RAB10: variants seen among roughly 807,000 people sequenced by gnomAD.
The protein encoded by RAB10 is ras-related protein Rab-10.
RAB10 carries 5 observed loss-of-function variants against 25.7 expected under a neutral mutation model. The ratio of observed to expected loss-of-function variants is 0.19; its 90% CI spans 0.10 to 0.41. The LOEUF is 0.41. Among genes scored for constraint, RAB10 ranks in the 10% least tolerant of loss-of-function variants. The pLI, the probability that RAB10 is intolerant of heterozygous loss-of-function variation, is 1.00. For missense variants in RAB10, 103 were observed against 245.8 expected (o/e 0.42, Z 3.89); for synonymous variants, 89 against 86.4 (o/e 1.03, Z -0.16).
At chr2:26,051,185 C>T (rs188079263) in intron 1 of RAB10, among the ~76,000 whole-genome samples, 3 of 152,262 alleles carry the variant, frequency 2.0e-5, no homozygotes, top group African/African-American at 7.2e-5. Flanking sequence ...GATCCTCCTA[C>T]CTTGGCCTCC....
chr2:26,080,299 A>G (rs1318504519), intron 1 of RAB10, among the ~76,000 whole-genome samples: 1 of 152,246 alleles, frequency 6.6e-6, no homozygotes, highest in South Asian at 2.1e-4. Context: ...GAACTGTAAA[A>G]AGAATGAGAG....
At chr2:26,038,236 G>C (rs1462837704) in intron 1 of RAB10, among the ~76,000 whole-genome samples, 2 of 142,236 alleles carry the variant, frequency 1.4e-5, no homozygotes, top group Admixed American at 7.3e-5. Flanking sequence ...CGCTTTTGTT[G>C]CTCAGGCTGG....
At chr2:26,093,543 C>T (rs1667151076) in intron 1 of RAB10, among the ~76,000 whole-genome samples, 1 of 152,192 alleles carries the variant, frequency 6.6e-6, no homozygotes, top group African/African-American at 2.4e-5. Context: ...TAAATGTTCA[C>T]TATCAGTTGA....
intron 1 of RAB10, among the ~76,000 whole-genome samples, chr2:26,095,381 G>A (rs914036165): frequency 1.3e-5 from 2 of 152,176 alleles, no homozygotes; most frequent in African/African-American, 2.4e-5. Context: ...GCCAAGGTGG[G>A]CGGATCACGA....
intron 1 of RAB10, among the ~76,000 whole-genome samples, chr2:26,077,471 TAACA>T (rs1357936818): frequency 3.3e-5 from 5 of 152,260 alleles, no homozygotes; most frequent in African/African-American, 7.2e-5. Flanking sequence ...AAATAATGCG[TAACA>T]AACAAGACTT....
At chr2:26,118,170 A>G (rs1299150790) in intron 3 of RAB10, among the ~76,000 whole-genome samples, 1 of 152,098 alleles carries the variant, frequency 6.6e-6, no homozygotes, top group Non-Finnish European at 1.5e-5. Context: ...ACGGGGTTTC[A>G]CCATGTTGGT....
chr2:26,132,945 TTTC>T (rs989391688), intron 5 of RAB10, among the ~76,000 whole-genome samples: 2 of 152,146 alleles, frequency 1.3e-5, no homozygotes, highest in Admixed American at 6.5e-5. Context: ...TCTGCCCCTT[TTTC>T]TTCTTTACAT....
chr2:26,094,683 C>T (rs1308927072), intron 1 of RAB10, among the ~76,000 whole-genome samples: 1 of 152,146 alleles, frequency 6.6e-6, no homozygotes, highest in Non-Finnish European at 1.5e-5. Context: ...CTCAGCCTCC[C>T]GAGTAGCTGG....
At chr2:26,034,069 T>C (rs754231497), upstream of RAB10, 317 of 402,224 alleles carry the variant, frequency 7.9e-4, no homozygotes, top group Non-Finnish European at 1.2e-3. Flanking sequence ...AGGGCGGGCG[T>C]ACGCCCTTGC....
intron 1 of RAB10, among the ~76,000 whole-genome samples, chr2:26,087,650 C>T (rs963663277): frequency 2.0e-5 from 3 of 152,216 alleles, no homozygotes; most frequent in African/African-American, 4.8e-5. Context: ...GATCTGCCCA[C>T]GTTGGTCTCC....
intron 1 of RAB10, among the ~76,000 whole-genome samples, chr2:26,082,596 T>C (rs552009878): frequency 6.6e-6 from 1 of 152,280 alleles, no homozygotes; most frequent in South Asian, 2.1e-4. Flanking sequence ...AGTAGACATA[T>C]ATTTAAGAAA....
intron 1 of RAB10, among the ~76,000 whole-genome samples, chr2:26,054,826 A>AT (rs1265914455): frequency 6.6e-6 from 1 of 152,070 alleles, no homozygotes; most frequent in African/African-American, 2.4e-5. Context: ...TTCAAGATAG[A>AT]TTAAATTAAC....
intron 1 of RAB10, among the ~76,000 whole-genome samples, chr2:26,035,827 A>G (rs993772542): frequency 3.9e-5 from 6 of 152,236 alleles, no homozygotes; most frequent in African/African-American, 1.4e-4. Context: ...CAGTTTGTAT[A>G]GCGTAACTGA....
At chr2:26,040,269 G>A (rs1665855759) in intron 1 of RAB10, among the ~76,000 whole-genome samples, 1 of 151,992 alleles carries the variant, frequency 6.6e-6, no homozygotes, top group Non-Finnish European at 1.5e-5. Context: ...CTCCTTCCTC[G>A]GCCTCTCACG....
intron 1 of RAB10, among the ~76,000 whole-genome samples, chr2:26,044,972 A>G (rs1454894611): frequency 6.6e-6 from 1 of 151,982 alleles, no homozygotes; most frequent in Non-Finnish European, 1.5e-5. Flanking sequence ...TTTGAAAAGT[A>G]GAGTTGCTGT....
intron 1 of RAB10, among the ~76,000 whole-genome samples, chr2:26,041,923 AAG>A (rs1665898590): frequency 6.6e-6 from 1 of 152,108 alleles, no homozygotes; most frequent in South Asian, 2.1e-4. Flanking sequence ...AGAAAAGAAA[AAG>A]AGAAATTGAA....
intron 1 of RAB10, among the ~76,000 whole-genome samples, chr2:26,060,218 A>T (rs745810487): frequency 6.6e-6 from 1 of 152,206 alleles, no homozygotes; most frequent in Non-Finnish European, 1.5e-5. Context: ...TGTGCCTGGC[A>T]CTGTGTGAAG....
At chr2:26,117,374 G>A (rs1158065423) in intron 3 of RAB10, among the ~76,000 whole-genome samples, 1 of 152,064 alleles carries the variant, frequency 6.6e-6, no homozygotes, top group African/African-American at 2.4e-5. Flanking sequence ...AGCACTTTGG[G>A]AGGCCGAGGC....
At chr2:26,072,147 G>A (rs996883770) in intron 1 of RAB10, among the ~76,000 whole-genome samples, 2 of 152,074 alleles carry the variant, frequency 1.3e-5, no homozygotes, top group African/African-American at 2.4e-5. Context: ...GGCTGGGTGC[G>A]GTGGCTCACG....
Sources: gnomAD v4.1 joint callset for allele counts (sites outside exome capture counted in the v4.1 genomes callset) on GRCh38, gnomAD v4.1.1 for gene constraint, MANE v1.5 for transcripts, NCBI Gene and HGNC (gene_info 2026-07-23, HGNC 2026-07-21) for gene names.